EMC8: variants seen among roughly 807,000 people sequenced by gnomAD.
The protein encoded by EMC8 is COX4 neighbor.
In EMC8, 11 loss-of-function variants were observed where a neutral mutation model predicts 24.3. The observed-to-expected ratio is 0.45, with a 90% CI of 0.28 to 0.75. EMC8 has a LOEUF of 0.75. Among genes scored for constraint, EMC8 ranks in the 30% least tolerant of loss-of-function variants. EMC8 has a pLI of 0.12. For missense variants in EMC8, 277 were observed against 282.7 expected, an observed-to-expected ratio of 0.98 and a Z score of 0.14; for synonymous variants, 145 against 117.7, an observed-to-expected ratio of 1.23 and a Z score of -1.50.
chr16:85,780,464 T>C lies in EMC8; in HGVS notation c.388A>G (p.Thr130Ala), dbSNP rs990051855. ...SDTALIMVDN[T>A]KFTMDCVAPT... The stretch of plus-strand genomic sequence containing the variant: ...GCTACGCAGTCCATCGTAAACTTGG[T>C]GTTGTCTACCTGAGCACAAGGCAAA... Residue 130 changes from threonine (T) to alanine (A), a missense_variant, in exon 4 of 5, where the codon ACC becomes GCC. Thr to Ala is a moderately conservative substitution (Grantham distance 58). Transcript: ENST00000253457. 24 of 1,613,466 alleles carry C rather than the reference T, an allele frequency of 1.5e-5. No homozygotes were observed. The highest frequency in any genetic ancestry group is 1.8e-5 in the Non-Finnish European group (21 of 1,179,594).
chr16:85,795,884 T>A (rs144005342), intron 1 of EMC8, among the ~76,000 whole-genome samples: 1 of 152,276 alleles, frequency 6.6e-6, no homozygotes, highest in Non-Finnish European at 1.5e-5. Context: ...AGGTAGGCAG[T>A]GTCAGAACAG....
At chr16:85,795,071 T>C (rs1243900441) in intron 1 of EMC8, among the ~76,000 whole-genome samples, 1 of 152,132 alleles carries the variant, frequency 6.6e-6, no homozygotes, top group Non-Finnish European at 1.5e-5. Flanking sequence ...AAGTACTGCA[T>C]TCATATCCCA....
intron 1 of EMC8, 120 bp from the exon 2 acceptor site, chr16:85,789,170 T>G: frequency 1.4e-6 from 1 of 736,404 alleles, no homozygotes. Context: ...TTAATCCTCA[T>G]ACCCTACACC....
chr16:85,783,196 C>T (rs568486329), intron 2 of EMC8, among the ~76,000 whole-genome samples: 9 of 152,226 alleles, frequency 5.9e-5, no homozygotes, highest in South Asian at 2.1e-4. Flanking sequence ...CCAGCTACTC[C>T]GGAGGCTGAG....
chr16:85,779,989 G>C, intron 4 of EMC8, 122 bp from the exon 5 acceptor site: 1 of 768,968 alleles, frequency 1.3e-6, no homozygotes, highest in Non-Finnish European at 2.2e-6. Context: ...AGAGTACTGA[G>C]AAACATGTGC....
rs1905265492 is a variant in EMC8, at chr16:85,797,014, A to T, written c.231+2051T>A. 2.0e-5 allele frequency among the ~76,000 whole-genome samples: 3 copies of T among 152,238 alleles called. No homozygotes were observed. The South Asian group carries it at 6.2e-4, about 31-fold the overall frequency. The stretch of plus-strand genomic sequence containing the variant: ...CAGATACTCAAAAACATTTATTAGA[A>T]AAGTGAATAATCCCGCATAAATGCT... On this transcript the variant is annotated intron_variant, in intron 1 of 4. Coordinates refer to ENST00000253457, the MANE Select transcript of EMC8 (RefSeq NM_006067.5).
At chr16:85,797,437 C>T (rs1229656325) in intron 1 of EMC8, among the ~76,000 whole-genome samples, 1 of 152,100 alleles carries the variant, frequency 6.6e-6, no homozygotes, top group African/African-American at 2.4e-5. Context: ...TTGGAAAGAC[C>T]TGGATTAAAA....
At chr16:85,798,215 G>A (rs1905350941) in intron 1 of EMC8, among the ~76,000 whole-genome samples, 1 of 148,294 alleles carries the variant, frequency 6.7e-6, no homozygotes, top group Non-Finnish European at 1.5e-5. Flanking sequence ...TCTGCCTCCT[G>A]GGTTCAAGCG....
intron 1 of EMC8, among the ~76,000 whole-genome samples, chr16:85,796,128 A>G (rs982738908): frequency 3.3e-5 from 5 of 152,116 alleles, no homozygotes; most frequent in African/African-American, 1.2e-4. Flanking sequence ...CTCTGTACTC[A>G]GACCCATTCT....
At chr16:85,787,992 G>A (rs1348989582) in intron 2 of EMC8, among the ~76,000 whole-genome samples, 2 of 152,296 alleles carry the variant, frequency 1.3e-5, no homozygotes, top group South Asian at 2.1e-4. Context: ...TGGACCCAAC[G>A]GCAGGGCCCT....
chr16:85,789,173 C>T (rs1489539768), intron 1 of EMC8, 123 bp from the exon 2 acceptor site: 3 of 722,866 alleles, frequency 4.2e-6, no homozygotes, highest in African/African-American at 1.8e-5. Flanking sequence ...ATCCTCATAC[C>T]CTACACCCCA....
chr16:85,783,171 T>C lies in EMC8; in HGVS notation c.309-1891A>G, dbSNP rs118066872. On this transcript the variant is annotated intron_variant, in intron 2 of 4. Coordinates refer to ENST00000253457, the MANE Select transcript of EMC8 (RefSeq NM_006067.5). ...TATAAAAACTAGCTGGGTGTGGTGA[T>C]GCACATCTGTAGACCCAGCTACTCC... Among the ~76,000 whole-genome samples, 945 of 152,254 alleles carry C rather than the reference T, an allele frequency of 6.2e-3. 4 individuals carry two copies. The highest frequency in any genetic ancestry group is 0.011 in the Non-Finnish European group (760 of 68,026).
chr16:85,799,109 C>T lies in EMC8; in HGVS notation c.187G>A (p.Gly63Ser), dbSNP rs975750595. Residue 63 changes from glycine (G) to serine (S), a missense_variant, in exon 1 of 5, where the codon GGC becomes AGC. Coordinates refer to ENST00000253457, the MANE Select transcript of EMC8 (RefSeq NM_006067.5). The surrounding 1 kb of genome is among the most constrained non-coding windows in gnomAD (Gnocchi z 4.2). The part of the protein sequence containing the change: ...LFVDCIPLFH[G>S]TLALAPMLEV... ...AGCATGGGGGCGAGGGCCAGGGTGCCGTGGAAGAGGGGGATGCAGTCCACG... is the reference window on the plus strand; with the variant it reads ...AGCATGGGGGCGAGGGCCAGGGTGCTGTGGAAGAGGGGGATGCAGTCCACG... 12 of 1,581,244 alleles carry T rather than the reference C, an allele frequency of 7.6e-6. No individual in the cohort carries two copies. Among genetic ancestry groups the T allele is most frequent in the African/African-American group, 4.0e-5 (3 of 74,202 alleles).
chr16:85,785,465 G>A (rs1240321751), intron 2 of EMC8, among the ~76,000 whole-genome samples: 1 of 152,086 alleles, frequency 6.6e-6, no homozygotes, highest in East Asian at 1.9e-4. Context: ...AGCTACTCAG[G>A]AGCCTGAGAC....
Position 85,783,318 on chromosome 16 carries a change from A to C in EMC8, c.309-2038T>G, listed in dbSNP as rs533083618. 1.2e-4 allele frequency among the ~76,000 whole-genome samples: 18 copies of C among 151,570 alleles called. No individual in the cohort carries two copies. In the Middle Eastern group the frequency reaches 0.014, roughly 115 times the overall value. ...TCCACGTCAAAAAAAAAAGAGACAGAGTCTCGCTTCGTTGCCCAGGCTGGA... is the reference window on the plus strand; with the variant it reads ...TCCACGTCAAAAAAAAAAGAGACAGCGTCTCGCTTCGTTGCCCAGGCTGGA... On this transcript the variant is annotated intron_variant, in intron 2 of 4. Transcript: ENST00000253457.
chr16:85,794,283 TCCAGCTGCAAATTTTCC>T (rs1905148970), intron 1 of EMC8, among the ~76,000 whole-genome samples: 1 of 152,216 alleles, frequency 6.6e-6, no homozygotes, highest in Non-Finnish European at 1.5e-5. Context: ...GTGGATGGAC[TCCAGCTGCAAATTTTCC>T]CCTGTAACTT....
At chr16:85,780,086 G>C in intron 4 of EMC8, 1 of 602,448 alleles carries the variant, frequency 1.7e-6, no homozygotes, top group Non-Finnish European at 2.9e-6. Context: ...TTCTGAGAAA[G>C]TTGGAGGCAG....
intron 1 of EMC8, among the ~76,000 whole-genome samples, chr16:85,790,246 G>A (rs915073514): frequency 2.0e-5 from 3 of 151,698 alleles, no homozygotes; most frequent in African/African-American, 7.3e-5. Context: ...TCTTGTTTGG[G>A]CCTCTGAGTC....
intron 2 of EMC8, among the ~76,000 whole-genome samples, chr16:85,788,066 A>G (rs1904834520): frequency 6.6e-6 from 1 of 152,192 alleles, no homozygotes; most frequent in African/African-American, 2.4e-5. Flanking sequence ...TGAGGAAGCC[A>G]CGTCAGGGCA....
Sources: gnomAD v4.1 joint callset for allele counts (sites outside exome capture counted in the v4.1 genomes callset) on GRCh38, gnomAD v4.1.1 for gene constraint, Gnocchi (gnomAD v3.1) non-coding constraint, MANE v1.5 for transcripts, NCBI Gene and HGNC (gene_info 2026-07-23, HGNC 2026-07-21) for gene names.